Variants in ATF3 observed in about 807,000 individuals in gnomAD.
ATF3 encodes the protein cyclic AMP-dependent transcription factor ATF-3.
In ATF3, 10 loss-of-function variants were observed where a neutral mutation model predicts 18.4. The observed-to-expected ratio is 0.54, with a 90% confidence interval of 0.34 to 0.92. The LOEUF is 0.92. Ranked by LOEUF, ATF3 falls within the 40% of genes least tolerant of loss-of-function variation. The pLI, the probability that ATF3 is intolerant of heterozygous loss-of-function variation, is 0.02. For synonymous variants in ATF3, 78 were observed against 87.9 expected, an observed-to-expected ratio of 0.89 and a Z score of 0.63; for missense variants, 183 against 222.3, an observed-to-expected ratio of 0.82 and a Z score of 1.12.
intron 1 of ATF3, among the ~76,000 whole-genome samples, chr1:212,570,665 T>G (rs984394344): frequency 8.5e-5 from 13 of 152,194 alleles, no homozygotes; most frequent in African/African-American, 2.7e-4. Context: ...GATTTTAGTT[T>G]TTTCATCATT....
chr1:212,576,648 T>C (rs141351699), intron 1 of ATF3, among the ~76,000 whole-genome samples: 30 of 151,574 alleles, frequency 2.0e-4, no homozygotes, highest in African/African-American at 6.0e-4. Flanking sequence ...CTGTTCCCCA[T>C]CTTATTTTTA....
intron 1 of ATF3, among the ~76,000 whole-genome samples, chr1:212,612,322 A>G (rs1654931190): frequency 6.6e-6 from 1 of 152,110 alleles, no homozygotes; most frequent in Non-Finnish European, 1.5e-5. Flanking sequence ...TAAACAGCAG[A>G]CCCCAAGCCC....
intron 2 of ATF3, among the ~76,000 whole-genome samples, chr1:212,616,406 C>T (rs963651085): frequency 1.3e-5 from 2 of 152,154 alleles, no homozygotes; most frequent in East Asian, 1.9e-4. Context: ...AAGGGATTCT[C>T]ATGCCTCAGT....
At chr1:212,565,493 G>T (rs3806460) in intron 1 of ATF3, 19,479 of 152,148 alleles carry the variant, frequency 0.13, 1,734 homozygotes, top group East Asian at 0.32. Flanking sequence ...TGTGAGTCTT[G>T]ACTTTTTCTC....
chr1:212,574,107 ATTG>A (rs1441891855), intron 1 of ATF3, among the ~76,000 whole-genome samples: 1 of 151,424 alleles, frequency 6.6e-6, no homozygotes, highest in Non-Finnish European at 1.5e-5. Context: ...TTTTGTTGTC[ATTG>A]TTGTTTTTAT....
chr1:212,617,933 G>A (rs1026862834), intron 2 of ATF3, among the ~76,000 whole-genome samples, 194 bp from the exon 3 acceptor site: 7 of 87,902 alleles, frequency 8.0e-5, no homozygotes, highest in South Asian at 3.6e-4. Flanking sequence ...GTTCACTCAC[G>A]TGTGTGTGTG....
chr1:212,566,040 T>C (rs1664376783), intron 1 of ATF3, among the ~76,000 whole-genome samples: 1 of 152,164 alleles, frequency 6.6e-6, no homozygotes, highest in Non-Finnish European at 1.5e-5. Context: ...GGGCTGGATA[T>C]GGGGAGAGCT....
At chr1:212,614,876 T>C in intron 1 of ATF3, 142 bp from the exon 2 acceptor site, 1 of 1,478,694 alleles carries the variant, frequency 6.8e-7, no homozygotes, top group Non-Finnish European at 9.2e-7. Flanking sequence ...TGGCATGAAA[T>C]GAAAACAAAA....
intron 1 of ATF3, among the ~76,000 whole-genome samples, chr1:212,576,372 G>A (rs536452272): frequency 6.6e-6 from 1 of 151,652 alleles, no homozygotes; most frequent in Non-Finnish European, 1.5e-5. Context: ...TTTTCTGTAA[G>A]TTGTTTCAAA....
intron 1 of ATF3, among the ~76,000 whole-genome samples, chr1:212,581,832 A>G (rs561984132): frequency 6.6e-6 from 1 of 152,236 alleles, no homozygotes; most frequent in South Asian, 2.1e-4. Context: ...GCTTCTAGAT[A>G]AAGGATATAA....
chr1:212,578,359 C>G (rs1358183995), intron 1 of ATF3, among the ~76,000 whole-genome samples: 1 of 152,154 alleles, frequency 6.6e-6, no homozygotes, highest in Admixed American at 6.5e-5. Context: ...TCATTTAACT[C>G]TTTAATCTTT....
intron 1 of ATF3, among the ~76,000 whole-genome samples, chr1:212,568,534 A>G (rs1015333368): frequency 2.0e-5 from 3 of 152,180 alleles, no homozygotes; most frequent in African/African-American, 7.2e-5. Context: ...TCCTGGACCC[A>G]TTAATAATTA....
At chr1:212,616,699 T>G (rs1017057725) in intron 2 of ATF3, among the ~76,000 whole-genome samples, 4 of 152,094 alleles carry the variant, frequency 2.6e-5, no homozygotes, top group African/African-American at 9.7e-5. Context: ...GTGGCAGGAA[T>G]CCACGTGAGT....
In ATF3 at chr1:212,619,273, C is replaced by G; in HGVS notation, c.349-85C>G. 1 of 1,611,462 alleles carries G rather than the reference C, an allele frequency of 6.2e-7. No individual in the cohort carries two copies. The highest frequency in any genetic ancestry group is 8.5e-7 in the Non-Finnish European group (1 of 1,179,802). On this transcript the variant is annotated intron_variant, in intron 3 of 3. Transcript: ENST00000341491. The surrounding 1 kb of genome is among the most constrained non-coding windows in gnomAD (Gnocchi z 4.4). ...GAGCCCCGGTGTGTCCCAGGTACAC[C>G]CCTGCATCCAGGCAGCAGCCCAGGC... is the stretch of plus-strand genomic sequence containing the variant.
At chr1:212,591,809 A>AT (rs1164545237) in intron 1 of ATF3, among the ~76,000 whole-genome samples, 2 of 152,038 alleles carry the variant, frequency 1.3e-5, no homozygotes, top group Non-Finnish European at 2.9e-5. Flanking sequence ...TAGGATGGGC[A>AT]TTTTTTAAAT....
At chr1:212,614,866 T>G (rs187083871) in intron 1 of ATF3, among the ~76,000 whole-genome samples, 152 bp from the exon 2 acceptor site, 12 of 152,210 alleles carry the variant, frequency 7.9e-5, no homozygotes, top group Admixed American at 1.3e-4. Flanking sequence ...AAGATGAGGA[T>G]GGCATGAAAT....
At chr1:212,603,939 TA>T (rs1654554294), upstream of ATF3, among the ~76,000 whole-genome samples, 1 of 152,220 alleles carries the variant, frequency 6.6e-6, no homozygotes, top group African/African-American at 2.4e-5. Flanking sequence ...AACTGTATTT[TA>T]AAATCATGTA....
At chr1:212,570,094 T>A (rs1664453253) in intron 1 of ATF3, among the ~76,000 whole-genome samples, 1 of 151,892 alleles carries the variant, frequency 6.6e-6, no homozygotes, top group Non-Finnish European at 1.5e-5. Context: ...TTTAAAATGT[T>A]TTATAATATG....
At chr1:212,584,218 T>A (rs1664737397) in intron 1 of ATF3, among the ~76,000 whole-genome samples, 1 of 152,186 alleles carries the variant, frequency 6.6e-6, no homozygotes, top group South Asian at 2.1e-4. Context: ...TTTCTCCCAC[T>A]GGAATACAAA....
Sources: gnomAD v4.1 joint callset for allele counts (sites outside exome capture counted in the v4.1 genomes callset) on GRCh38, gnomAD v4.1.1 for gene constraint, Gnocchi (gnomAD v3.1) non-coding constraint, MANE v1.5 for transcripts, NCBI Gene and HGNC (gene_info 2026-07-23, HGNC 2026-07-21) for gene names.